Variants in VPS13B observed in about 807,000 individuals in gnomAD.
VPS13B encodes intermembrane lipid transfer protein VPS13B.
A neutral mutation model predicts 426.4 loss-of-function variants in VPS13B; 285 were observed. That is an observed-to-expected ratio of 0.67 (90% CI 0.61 to 0.74). The LOEUF (loss-of-function observed/expected upper bound fraction) is 0.74. Ranked by LOEUF, VPS13B falls within the 30% of genes least tolerant of loss-of-function variation. The probability of loss-of-function intolerance (pLI) is 0.00; values close to 1 mark genes in which losing one functional copy is unlikely to be tolerated. For synonymous variants in VPS13B, 1,676 were observed against 1,676.4 expected (o/e 1.00, Z 0.01); for missense variants, 4,537 against 4,782.6 (o/e 0.95, Z 1.51).
At chr8:99,711,061 A>G (rs1044399464) in intron 36 of VPS13B, among the ~76,000 whole-genome samples, 17 of 152,234 alleles carry the variant, frequency 1.1e-4, no homozygotes, top group African/African-American at 4.1e-4. Context: ...GTTTATTATT[A>G]TGTTGTAGCT....
At chr8:99,526,869 T>C (rs754008741) in intron 30 of VPS13B, among the ~76,000 whole-genome samples, 2 of 152,114 alleles carry the variant, frequency 1.3e-5, no homozygotes, top group Non-Finnish European at 2.9e-5. Context: ...TTTTGACTTA[T>C]GAGGTCTTGT....
At chr8:99,614,717 T>C (rs1436410299) in intron 33 of VPS13B, among the ~76,000 whole-genome samples, 1 of 152,198 alleles carries the variant, frequency 6.6e-6, no homozygotes, top group African/African-American at 2.4e-5. Flanking sequence ...AAAACAGAAC[T>C]TTATGCTTTC....
intron 21 of VPS13B, among the ~76,000 whole-genome samples, chr8:99,403,902 G>A (rs1368917762): frequency 3.3e-5 from 5 of 152,154 alleles, no homozygotes; most frequent in East Asian, 3.8e-4. Flanking sequence ...ACTAGGGAAC[G>A]GGGGAAAAAT....
chr8:99,323,697 A>C (rs1810100471), intron 19 of VPS13B, among the ~76,000 whole-genome samples: 2 of 152,126 alleles, frequency 1.3e-5, no homozygotes, highest in African/African-American at 4.8e-5. Flanking sequence ...TAAAACTTAG[A>C]TAGGCTACCA....
chr8:99,634,121 AAC>A (rs1588571289), intron 33 of VPS13B, among the ~76,000 whole-genome samples: 1 of 152,118 alleles, frequency 6.6e-6, no homozygotes, highest in South Asian at 2.1e-4. Context: ...TAAAGGGACA[AAC>A]ACACACAAAA....
chr8:99,815,491 A>G (rs1444985877), intron 44 of VPS13B, among the ~76,000 whole-genome samples: 1 of 152,082 alleles, frequency 6.6e-6, no homozygotes, highest in Non-Finnish European at 1.5e-5. Flanking sequence ...GGGGAAGACA[A>G]TCTGCTTTAC....
intron 25 of VPS13B, among the ~76,000 whole-genome samples, chr8:99,487,728 C>T (rs1820388187): frequency 6.6e-6 from 1 of 152,114 alleles, no homozygotes; most frequent in Non-Finnish European, 1.5e-5. Context: ...GCTTATTCTA[C>T]TTTGTGTAAT....
intron 33 of VPS13B, among the ~76,000 whole-genome samples, chr8:99,629,366 T>C (rs1321434560): frequency 3.3e-5 from 5 of 152,198 alleles, no homozygotes; most frequent in Admixed American, 2.0e-4. Flanking sequence ...TTTATGTGCA[T>C]TGTGCCCAAG....
intron 19 of VPS13B, among the ~76,000 whole-genome samples, chr8:99,304,372 T>G (rs1011351170): frequency 3.3e-5 from 5 of 152,112 alleles, no homozygotes; most frequent in African/African-American, 7.2e-5. Flanking sequence ...TATTTTCTAT[T>G]GGCAGATGTG....
chr8:99,448,928 A>G (rs1295127707), intron 23 of VPS13B, among the ~76,000 whole-genome samples: 1 of 152,164 alleles, frequency 6.6e-6, no homozygotes, highest in Non-Finnish European at 1.5e-5. Flanking sequence ...TCCACCTCCT[A>G]TTATACCCCT....
chr8:99,527,034 TA>T (rs1477653701), intron 30 of VPS13B, among the ~76,000 whole-genome samples: 3 of 152,164 alleles, frequency 2.0e-5, no homozygotes, highest in Non-Finnish European at 2.9e-5. Context: ...GGAGATCATT[TA>T]AAAAATATAT....
At chr8:99,803,213 C>T (rs1370417093) in intron 43 of VPS13B, among the ~76,000 whole-genome samples, 1 of 152,132 alleles carries the variant, frequency 6.6e-6, no homozygotes, top group Non-Finnish European at 1.5e-5. Flanking sequence ...TACCTTTCAG[C>T]CACAATTTTT....
chr8:99,388,319 A>G (rs1814239426), intron 20 of VPS13B, among the ~76,000 whole-genome samples: 1 of 152,216 alleles, frequency 6.6e-6, no homozygotes, highest in South Asian at 2.1e-4. Flanking sequence ...ATTTTTTTAA[A>G]AAAGCAAATA....
chr8:99,132,307 C>G (rs1809849717), intron 8 of VPS13B, among the ~76,000 whole-genome samples: 1 of 152,138 alleles, frequency 6.6e-6, no homozygotes, highest in Non-Finnish European at 1.5e-5. Context: ...CAACAATGTT[C>G]CCAGCATCTT....
At chr8:99,870,395 C>A (rs1441065523) in intron 59 of VPS13B, among the ~76,000 whole-genome samples, 1 of 152,100 alleles carries the variant, frequency 6.6e-6, no homozygotes, top group Non-Finnish European at 1.5e-5. Context: ...TCAAGCAATC[C>A]TCCCACCTTG....
chr8:99,809,489 C>G lies in VPS13B; in HGVS notation c.8056C>G (p.Leu2686Val). Reference sequence around the variant, plus strand: ...TCAGTACAGGGGTCGAACTGCTTCTCTCATCATCAAGGTTCAGCAACTCAA... The same window carrying G: ...TCAGTACAGGGGTCGAACTGCTTCTGTCATCATCAAGGTTCAGCAACTCAA... ...TIQYRGRTASLIIKVQQLNGV... is the reference protein window; with the variant it reads ...TIQYRGRTASVIIKVQQLNGV... Residue 2686 changes from leucine to valine, a missense_variant, in exon 44 of 62, where the codon CTC becomes GTC. By Grantham distance (32) the Leu-to-Val change is conservative. Transcript: ENST00000357162. The G allele has an allele frequency of 6.2e-7, 1 of 1,614,014 alleles. No homozygotes were observed.
At chr8:99,147,118 A>C (rs1420108185) in intron 13 of VPS13B, among the ~76,000 whole-genome samples, 1 of 151,454 alleles carries the variant, frequency 6.6e-6, no homozygotes, top group Non-Finnish European at 1.5e-5. Context: ...AGTCTTATTT[A>C]TTTATTTATT....
chr8:99,835,146 A>T (rs1815316768), intron 52 of VPS13B, 51 bp from the exon 53 acceptor site: 1 of 1,612,094 alleles, frequency 6.2e-7, no homozygotes, highest in South Asian at 1.1e-5. Context: ...AGGAGAGAGC[A>T]TTCATTTTTT....
chr8:99,827,434 A>G (rs1588754542), intron 51 of VPS13B, among the ~76,000 whole-genome samples: 1 of 143,278 alleles, frequency 7.0e-6, no homozygotes, highest in South Asian at 2.2e-4. Context: ...ATCATTTTTT[A>G]TTGTGTCTGT....
Sources: allele counts gnomAD v4.1 joint callset (sites outside exome capture counted in the v4.1 genomes callset), GRCh38; gene constraint gnomAD v4.1.1; transcripts MANE v1.5; gene names NCBI Gene and HGNC (gene_info 2026-07-23, HGNC 2026-07-21).